The following ARHGAP28 variants were observed in gnomAD, a reference collection of about 807,000 sequenced individuals.
The protein encoded by ARHGAP28 is rho GTPase-activating protein 28.
A neutral mutation model predicts 90.7 loss-of-function variants in ARHGAP28; 56 were observed. The observed-to-expected ratio is 0.62, with a 90% CI of 0.50 to 0.77. The LOEUF (loss-of-function observed/expected upper bound fraction) is 0.77, where lower values mean the gene tolerates loss of function less well. Ranked by LOEUF, ARHGAP28 falls within the 30% of genes least tolerant of loss-of-function variation. The pLI, the probability that ARHGAP28 is intolerant of heterozygous loss-of-function variation, is 0.00. For missense variants in ARHGAP28, 869 were observed against 900.9 expected (o/e 0.96, Z 0.45); for synonymous variants, 308 against 323.3 (o/e 0.95, Z 0.51).
At chr18:6,910,267 G>A (rs953550975) in intron 17 of ARHGAP28, among the ~76,000 whole-genome samples, 4 of 152,184 alleles carry the variant, frequency 2.6e-5, no homozygotes, top group Admixed American at 6.5e-5. Context: ...TGGAGACCCT[G>A]TGCCCCTTAT....
intron 2 of ARHGAP28, among the ~76,000 whole-genome samples, chr18:6,832,590 A>T (rs1444062282): frequency 6.6e-6 from 1 of 152,006 alleles, no homozygotes; most frequent in Admixed American, 6.6e-5. Flanking sequence ...TATTGGGTGC[A>T]TATACATTTA....
chr18:6,795,241 A>G (rs562265534), intron 1 of ARHGAP28, among the ~76,000 whole-genome samples: 1 of 152,286 alleles, frequency 6.6e-6, no homozygotes, highest in African/African-American at 2.4e-5. Flanking sequence ...TGATTCTCCT[A>G]TTCTTTCTGA....
At chr18:6,846,684 G>A (rs763700553) in intron 3 of ARHGAP28, among the ~76,000 whole-genome samples, 23 of 152,168 alleles carry the variant, frequency 1.5e-4, no homozygotes, top group Non-Finnish European at 2.9e-4. Context: ...TGCAGCCAGC[G>A]TCTCACCCCT....
In ARHGAP28 at chr18:6,730,219, GTGTATATA is replaced by G. The variant is rs2055866701; in HGVS notation, c.122+278_122+285del. ...TTGATACGATTTGAGGATAAGTCATGTGTATATATATATATATACCTCATTTCGGCCAA... is the reference window on the plus strand; with the variant it reads ...TTGATACGATTTGAGGATAAGTCATGTATATATATACCTCATTTCGGCCAA... On this transcript the variant is annotated intron_variant, in intron 1 of 17. Transcript: ENST00000383472. The G allele has an allele frequency of 5.0e-5, 8 of 158,794 alleles. 2 individuals are homozygous for G. In the South Asian group the frequency reaches 1.9e-3, roughly 38 times the overall value. The allele number at this position is 158,794 out of a possible 1,614,324, so 9.8% of individuals were successfully genotyped here.
chr18:6,856,233 C>T (rs2056952458), intron 4 of ARHGAP28, among the ~76,000 whole-genome samples: 1 of 152,080 alleles, frequency 6.6e-6, no homozygotes, highest in African/African-American at 2.4e-5. Context: ...TTTTCTTGGT[C>T]ATTATTGTAT....
intron 2 of ARHGAP28, 56 bp from the exon 3 acceptor site, chr18:6,837,141 G>A (rs2056759923): frequency 7.8e-7 from 1 of 1,276,332 alleles, no homozygotes; most frequent in East Asian, 2.5e-5. Flanking sequence ...ATATTCACAT[G>A]GCATCCAATC....
chr18:6,775,123 G>T (rs2056273492), intron 1 of ARHGAP28, among the ~76,000 whole-genome samples: 1 of 152,138 alleles, frequency 6.6e-6, no homozygotes, highest in African/African-American at 2.4e-5. Flanking sequence ...CATACATACA[G>T]CTACCTTGTC....
intron 2 of ARHGAP28, among the ~76,000 whole-genome samples, chr18:6,835,643 A>G (rs1354341055): frequency 6.6e-6 from 1 of 152,212 alleles, no homozygotes; most frequent in Non-Finnish European, 1.5e-5. Context: ...CCTCCTTAGC[A>G]TAGTTCCCAG....
At chr18:6,898,057 T>G (rs1357261909) in intron 16 of ARHGAP28, 2 of 155,538 alleles carry the variant, frequency 1.3e-5, no homozygotes, top group Non-Finnish European at 2.8e-5. Context: ...GTATTATGTC[T>G]TAAAACCACA....
chr18:6,798,369 T>G (rs989352784), intron 1 of ARHGAP28, among the ~76,000 whole-genome samples: 2 of 152,124 alleles, frequency 1.3e-5, no homozygotes, highest in Non-Finnish European at 2.9e-5. Context: ...AATTTTTGTA[T>G]TTTTAGTAGA....
chr18:6,912,544 T>C lies in ARHGAP28; in HGVS notation c.*390T>C, dbSNP rs1160254602. Reference sequence around the variant, plus strand: ...ACAAAAGAGGTGAAAGAGACCCTTTTTTATACTTAATGTACATATATTGAC... The same window carrying C: ...ACAAAAGAGGTGAAAGAGACCCTTTCTTATACTTAATGTACATATATTGAC... On this transcript the variant is annotated 3_prime_UTR_variant, in exon 18 of 18. Transcript: ENST00000383472. 1 of 153,760 alleles carries C rather than the reference T, an allele frequency of 6.5e-6. No homozygotes were observed. The highest frequency in any genetic ancestry group is 1.4e-5 in the Non-Finnish European group (1 of 69,110). 9.5% of individuals were successfully genotyped at this position (153,760 alleles called of 1,614,324 possible).
At chr18:6,872,262 C>T (rs898567981) in intron 7 of ARHGAP28, among the ~76,000 whole-genome samples, 2 of 152,126 alleles carry the variant, frequency 1.3e-5, no homozygotes, top group Admixed American at 6.6e-5. Flanking sequence ...GGTCAATAAG[C>T]GATTGCAGTT....
intron 1 of ARHGAP28, among the ~76,000 whole-genome samples, chr18:6,757,442 A>G (rs1200648560): frequency 2.0e-5 from 3 of 152,214 alleles, no homozygotes; most frequent in Non-Finnish European, 4.4e-5. Flanking sequence ...TTACATATTG[A>G]AAGGAACGTA....
In ARHGAP28 at chr18:6,837,433, A is replaced by G. The variant is rs752152124; in HGVS notation, c.543+19A>G. 3 of 897,874 alleles carry G rather than the reference A, an allele frequency of 3.3e-6. No individual in the cohort carries two copies. Among genetic ancestry groups the G allele is most frequent in the Admixed American group, 1.9e-5 (1 of 51,366 alleles). The allele number at this position is 897,874 out of a possible 1,614,324, so 55.6% of individuals were successfully genotyped here. On this transcript the variant is annotated intron_variant, in intron 3 of 17. Transcript: ENST00000383472. ...ATCTCCTGTAAGTAATGGCTCAAAC[A>G]TGGCTCAAAAGGCGCCTAGTTTGAC...
At chr18:6,742,450 G>A (rs79235672) in intron 1 of ARHGAP28, among the ~76,000 whole-genome samples, 1,880 of 152,200 alleles carry the variant, frequency 0.012, 36 homozygotes, top group African/African-American at 0.043. Flanking sequence ...GATTACAGCC[G>A]TGAGCCATCG....
chr18:6,787,544 C>A (rs1276610036), intron 1 of ARHGAP28, among the ~76,000 whole-genome samples: 1 of 152,006 alleles, frequency 6.6e-6, no homozygotes, highest in East Asian at 1.9e-4. Flanking sequence ...CTATCTAGGC[C>A]CTACCCCCGG....
intron 1 of ARHGAP28, among the ~76,000 whole-genome samples, chr18:6,753,971 T>G (rs2056089726): frequency 6.6e-6 from 1 of 152,248 alleles, no homozygotes; most frequent in Non-Finnish European, 1.5e-5. Flanking sequence ...TCTTCAGTAT[T>G]ACATCAATAG....
chr18:6,873,388 T>TA (rs767643180), intron 7 of ARHGAP28, 21 bp from the exon 8 acceptor site: 1 of 1,589,024 alleles, frequency 6.3e-7, no homozygotes, highest in Admixed American at 1.9e-5. Context: ...AAAAAATAAA[T>TA]ACCTTCACTG....
intron 1 of ARHGAP28, among the ~76,000 whole-genome samples, chr18:6,740,437 T>A (rs780599980): frequency 9.9e-5 from 15 of 152,182 alleles, no homozygotes; most frequent in South Asian, 4.1e-4. Flanking sequence ...GAGCCATGGA[T>A]GATGCCAACC....
Sources: gnomAD v4.1 joint callset for allele counts (sites outside exome capture counted in the v4.1 genomes callset) on GRCh38, gnomAD v4.1.1 for gene constraint, MANE v1.5 for transcripts, NCBI Gene and HGNC (gene_info 2026-07-23, HGNC 2026-07-21) for gene names.